The following LRRC49 variants were observed in gnomAD, a reference collection of about 807,000 sequenced individuals.
LRRC49 encodes the protein leucine rich repeat containing 49, also known as leucine-rich repeat-containing protein 49.
Under a neutral mutation model 83.3 loss-of-function variants are expected in LRRC49, and 50 were observed. The observed-to-expected ratio is 0.60, with a 90% confidence interval of 0.48 to 0.76. LRRC49 has a LOEUF of 0.76. Ranked by LOEUF, LRRC49 falls within the 30% of genes least tolerant of loss-of-function variation. The probability of loss-of-function intolerance (pLI) is 0.00; values close to 1 mark genes in which losing one functional copy is unlikely to be tolerated. For missense variants in LRRC49, 704 were observed against 809.1 expected (o/e 0.87, Z 1.58); for synonymous variants, 286 against 283.3 (o/e 1.01, Z -0.10).
chr15:70,964,573 G>A (rs911460349), intron 9 of LRRC49, among the ~76,000 whole-genome samples: 1 of 152,080 alleles, frequency 6.6e-6, no homozygotes, highest in Non-Finnish European at 1.5e-5. Flanking sequence ...ACACTTAGAT[G>A]TTTTAATATG....
chr15:70,885,304 C>T (rs968731131), intron 2 of LRRC49, among the ~76,000 whole-genome samples: 14 of 152,062 alleles, frequency 9.2e-5, no homozygotes, highest in South Asian at 8.3e-4. Flanking sequence ...ATGGGGCAGA[C>T]GCAATATTTG....
At chr15:70,880,912 C>T (rs530502265) in intron 2 of LRRC49, among the ~76,000 whole-genome samples, 86 of 152,258 alleles carry the variant, frequency 5.6e-4, no homozygotes, top group African/African-American at 2.0e-3. Flanking sequence ...TTATGTGATT[C>T]ATTTTAAAAC....
chr15:70,996,312 A>C (rs2038072797), intron 11 of LRRC49, among the ~76,000 whole-genome samples: 1 of 152,148 alleles, frequency 6.6e-6, no homozygotes. Context: ...CTAGAACTGA[A>C]ATTTAGAGAT....
intron 5 of LRRC49, among the ~76,000 whole-genome samples, chr15:70,908,356 A>G (rs113482802): frequency 0.013 from 1,939 of 152,288 alleles, 43 homozygotes; most frequent in African/African-American, 0.043. Flanking sequence ...CTGCCTCCCT[A>G]AGAAGTTGGA....
At chr15:70,939,847 G>GTTTTT (rs1327080543) in intron 8 of LRRC49, among the ~76,000 whole-genome samples, 2 of 115,252 alleles carry the variant, frequency 1.7e-5, no homozygotes, top group African/African-American at 3.3e-5. Flanking sequence ...TTTAAACTAG[G>GTTTTT]TTTTTTTTTT....
At chr15:70,860,735 G>A (rs1338952437) in intron 1 of LRRC49, among the ~76,000 whole-genome samples, 1 of 152,178 alleles carries the variant, frequency 6.6e-6, no homozygotes, top group Admixed American at 6.5e-5. Context: ...TTATCCATAG[G>A]TGTGAGATTT....
At chr15:70,856,649 G>A (rs959226594) in intron 1 of LRRC49, among the ~76,000 whole-genome samples, 3 of 152,180 alleles carry the variant, frequency 2.0e-5, no homozygotes, top group African/African-American at 2.4e-5. Flanking sequence ...CTAGAGGAGC[G>A]GAGGACAGAA....
chr15:70,967,944 T>G (rs569209584), intron 9 of LRRC49, among the ~76,000 whole-genome samples: 78 of 150,442 alleles, frequency 5.2e-4, no homozygotes, highest in Non-Finnish European at 1.0e-3. Flanking sequence ...AAAGGTAAGA[T>G]GAAGTAACTT....
intron 7 of LRRC49, 63 bp from the exon 8 acceptor site, chr15:70,936,698 A>G (rs2035611001): frequency 1.0e-6 from 1 of 965,902 alleles, no homozygotes; most frequent in Admixed American, 1.8e-5. Context: ...TAGCTTAGCA[A>G]GAAGACATTT....
At chr15:70,939,257 C>G (rs1371247016) in intron 8 of LRRC49, among the ~76,000 whole-genome samples, 1 of 152,186 alleles carries the variant, frequency 6.6e-6, no homozygotes, top group Non-Finnish European at 1.5e-5. Context: ...CTGCTTACTA[C>G]AGCCTCTTCA....
At position 71,049,657 on chromosome 15, in the gene LRRC49, A is replaced by C. The variant is rs1389668206; in HGVS notation, c.*45A>C. On this transcript the variant is annotated 3_prime_UTR_variant, in exon 16 of 16. Transcript: ENST00000260382. ...TTGATTTTGGCAGTTTTATTTTTTG[A>C]AGGTTGAAAATATGCAGGTTATACA... The C allele has an allele frequency of 7.4e-7, 1 of 1,344,622 alleles. No individual in the cohort carries two copies. Among genetic ancestry groups the C allele is most frequent in the Non-Finnish European group, 1.1e-6 (1 of 948,064 alleles). 83.3% of individuals were successfully genotyped at this position (1,344,622 alleles called of 1,614,324 possible). A position where few individuals can be genotyped will look rare whatever the true frequency, so the allele number is the denominator to read the frequency against.
intron 6 of LRRC49, 41 bp downstream of exon 6, chr15:70,911,639 A>G: frequency 7.9e-7 from 1 of 1,269,350 alleles, no homozygotes; most frequent in Non-Finnish European, 1.1e-6. Context: ...TTTGAAAAAA[A>G]GTCCAGGAAA....
intron 1 of LRRC49, 161 bp downstream of exon 1, chr15:70,893,103 A>T: frequency 1.3e-6 from 1 of 752,408 alleles, no homozygotes. Flanking sequence ...ACCAAGGCAC[A>T]ATTTAATATT....
intron 9 of LRRC49, among the ~76,000 whole-genome samples, chr15:70,967,975 CTTTA>C (rs1482832204): frequency 6.0e-5 from 9 of 149,566 alleles, no homozygotes; most frequent in African/African-American, 2.0e-4. Context: ...TGCAATATTG[CTTTA>C]TTTATTTATT....
intron 14 of LRRC49, among the ~76,000 whole-genome samples, chr15:71,022,404 T>C (rs989272827): frequency 3.3e-5 from 5 of 151,994 alleles, no homozygotes; most frequent in African/African-American, 1.2e-4. Context: ...AATGCAAAGA[T>C]TGTCAGACTG....
At chr15:70,941,953 T>A (rs1216851182) in intron 8 of LRRC49, among the ~76,000 whole-genome samples, 2 of 152,120 alleles carry the variant, frequency 1.3e-5, no homozygotes, top group East Asian at 3.8e-4. Flanking sequence ...TATAAATATA[T>A]ATATGATTGC....
chr15:70,909,877 CAAA>C lies in LRRC49; in HGVS notation c.501-1653_501-1651del, dbSNP rs1370284844. Reference sequence around the variant, plus strand: ...ACACACACACACACACACACACACACAAAACAAACAAAAAAAGAAAGTTGTAGC... The same window carrying C: ...ACACACACACACACACACACACACACACAAACAAAAAAAGAAAGTTGTAGC... On this transcript the variant is annotated intron_variant, in intron 5 of 15. Coordinates refer to ENST00000260382, the MANE Select transcript of LRRC49 (RefSeq NM_017691.5). Among the ~76,000 whole-genome samples the C allele has an allele frequency of 1.2e-4, 18 of 150,420 alleles. No homozygotes were observed. The South Asian group carries it at 2.3e-3, about 19-fold the overall frequency.
chr15:71,037,258 A>G lies in LRRC49; in HGVS notation c.1783A>G (p.Arg595Gly), dbSNP rs1018532682. Residue 595 changes from arginine to glycine, a missense_variant, in exon 15 of 16, where the codon AGA (arginine) becomes GGA (glycine). Physicochemically the swap from Arg to Gly is moderately radical, Grantham distance 125 (BLOSUM62 -2). This residue lies in a region of LRRC49 where 275 missense variants were observed against 338.0 expected (regional missense o/e 0.81). Coordinates refer to ENST00000260382, the MANE Select transcript of LRRC49 (RefSeq NM_017691.5). The part of the protein sequence containing the change: ...IINEENNDSK[R>G]LVGENTNRAT... ...CAACGAAGAAAATAATGACAGCAAAAGACTTGTAGGAGAAAACACAAATCG... is the reference window on the plus strand; with the variant it reads ...CAACGAAGAAAATAATGACAGCAAAGGACTTGTAGGAGAAAACACAAATCG... 1 of 1,610,060 alleles carries G rather than the reference A, an allele frequency of 6.2e-7. No individual in the cohort carries two copies. The highest frequency in any genetic ancestry group is 2.2e-5 in the East Asian group (1 of 44,802).
chr15:71,044,120 G>C (rs528162704), intron 15 of LRRC49, among the ~76,000 whole-genome samples: 1 of 152,156 alleles, frequency 6.6e-6, no homozygotes, highest in Non-Finnish European at 1.5e-5. Context: ...TACTGAGTGC[G>C]AAAAGGGAGC....
Sources: allele counts gnomAD v4.1 joint callset (sites outside exome capture counted in the v4.1 genomes callset), GRCh38; gene constraint gnomAD v4.1.1; regional missense constraint gnomAD v4.1.1; transcripts MANE v1.5; gene names NCBI Gene and HGNC (gene_info 2026-07-23, HGNC 2026-07-21).